Variants in TAFA2 observed in about 807,000 individuals in gnomAD.
The protein encoded by TAFA2 is TAFA chemokine like family member 2, also known as chemokine-like protein TAFA-2.
Under a neutral mutation model 18.8 loss-of-function variants are expected in TAFA2, and 7 were observed. The ratio of observed to expected loss-of-function variants is 0.37; its 90% CI spans 0.21 to 0.70. The LOEUF (loss-of-function observed/expected upper bound fraction) is 0.70, where lower values mean the gene tolerates loss of function less well. Ranked by LOEUF, TAFA2 falls within the 30% of genes least tolerant of loss-of-function variation. The pLI is 0.53. For synonymous variants in TAFA2, 60 were observed against 54.2 expected (o/e 1.11, Z -0.47); for missense variants, 122 against 158.1 (o/e 0.77, Z 1.23).
intron 2 of TAFA2, among the ~76,000 whole-genome samples, chr12:61,828,015 G>A (rs1240656542): frequency 6.6e-6 from 1 of 151,902 alleles, no homozygotes; most frequent in Non-Finnish European, 1.5e-5. Flanking sequence ...TCTATTAAAT[G>A]TGAGAATGTT....
upstream of TAFA2, chr12:62,258,962 CTCAAT>C (rs898905096): frequency 3.8e-5 from 7 of 184,542 alleles, no homozygotes; most frequent in South Asian, 6.8e-5. Context: ...TTTTAAAACT[CTCAAT>C]TCAAGGTTGG....
chr12:62,238,742 A>C (rs567774246), intron 1 of TAFA2, among the ~76,000 whole-genome samples: 1 of 152,348 alleles, frequency 6.6e-6, no homozygotes, highest in African/African-American at 2.4e-5. Flanking sequence ...CTAAGTACTT[A>C]CTAAATATTT....
At chr12:61,905,588 G>A (rs888832898) in intron 1 of TAFA2, among the ~76,000 whole-genome samples, 2 of 152,120 alleles carry the variant, frequency 1.3e-5, no homozygotes, top group Non-Finnish European at 2.9e-5. Context: ...TAATTAGCAT[G>A]ACCAGATAAT....
intron 1 of TAFA2, among the ~76,000 whole-genome samples, chr12:61,988,633 C>A (rs1879895810): frequency 6.6e-6 from 1 of 152,158 alleles, no homozygotes; most frequent in South Asian, 2.1e-4. Flanking sequence ...CTCAGCTTGA[C>A]TTCTGATCAA....
At chr12:62,232,859 A>G (rs1385284388) in intron 1 of TAFA2, among the ~76,000 whole-genome samples, 1 of 152,008 alleles carries the variant, frequency 6.6e-6, no homozygotes, top group African/African-American at 2.4e-5. Flanking sequence ...TGATACTAGG[A>G]AAGACTTAGC....
At position 62,059,114 on chromosome 12, in the gene TAFA2, T is replaced by A. The variant is rs1241825122; in HGVS notation, c.-2+132145A>T. 9.9e-5 allele frequency among the ~76,000 whole-genome samples: 9 copies of A among 90,756 alleles called. No homozygotes were observed. In the Admixed American group the frequency reaches 1.1e-3, roughly 11 times the overall value. 59.5% of individuals were successfully genotyped at this position (90,756 alleles called of 152,430 possible). On this transcript the variant is annotated intron_variant, in intron 1 of 4. Transcript: ENST00000416284. ...CAAGACTCCGTCTCAAAAAAAATAA[T>A]AATAATATATATATATGTGTGTATA...
intron 1 of TAFA2, among the ~76,000 whole-genome samples, chr12:61,936,758 A>G (rs764637360): frequency 6.6e-5 from 10 of 152,186 alleles, no homozygotes; most frequent in African/African-American, 2.4e-4. Flanking sequence ...AATTGGTACA[A>G]GACAAGGATG....
At chr12:62,175,598 C>T (rs75574252) in intron 1 of TAFA2, among the ~76,000 whole-genome samples, 2 of 152,140 alleles carry the variant, frequency 1.3e-5, no homozygotes, top group East Asian at 3.9e-4. Context: ...CTTCAATCAT[C>T]TGAAATACAA....
intron 1 of TAFA2, among the ~76,000 whole-genome samples, chr12:61,961,289 C>A (rs1878876371): frequency 6.6e-6 from 1 of 151,936 alleles, no homozygotes. Context: ...ATGGGGATCA[C>A]AATTTGGACA....
chr12:61,967,454 T>C (rs1328433388), intron 1 of TAFA2, among the ~76,000 whole-genome samples: 1 of 151,842 alleles, frequency 6.6e-6, no homozygotes, highest in African/African-American at 2.4e-5. Context: ...CCTAGTGAAA[T>C]GATTTGATTC....
intron 2 of TAFA2, among the ~76,000 whole-genome samples, chr12:61,859,868 T>C (rs565377702): frequency 1.3e-5 from 2 of 152,340 alleles, no homozygotes; most frequent in Non-Finnish European, 2.9e-5. Flanking sequence ...TGGTTGATAA[T>C]TGCACACTAA....
intron 1 of TAFA2, among the ~76,000 whole-genome samples, chr12:62,073,702 T>A (rs193231969): frequency 1.3e-5 from 2 of 152,190 alleles, no homozygotes; most frequent in Non-Finnish European, 2.9e-5. Context: ...CATGTTAGTA[T>A]CCCCTTATTT....
chr12:62,056,512 G>C (rs1882191695), intron 1 of TAFA2, among the ~76,000 whole-genome samples: 1 of 152,146 alleles, frequency 6.6e-6, no homozygotes, highest in African/African-American at 2.4e-5. Context: ...AATTGTTCTA[G>C]AACTTGCAGT....
At chr12:61,964,371 T>G (rs923665748) in intron 1 of TAFA2, among the ~76,000 whole-genome samples, 6 of 151,870 alleles carry the variant, frequency 4.0e-5, no homozygotes, top group African/African-American at 1.5e-4. Context: ...TAACCTAGAT[T>G]TTTATAAAAG....
intron 1 of TAFA2, among the ~76,000 whole-genome samples, chr12:62,060,479 A>C (rs759318246): frequency 3.3e-5 from 5 of 152,260 alleles, no homozygotes; most frequent in Non-Finnish European, 7.3e-5. Context: ...AGCACATACA[A>C]TAATGTACAA....
chr12:62,117,049 G>C (rs1349673608), intron 1 of TAFA2, among the ~76,000 whole-genome samples: 1 of 152,150 alleles, frequency 6.6e-6, no homozygotes, highest in African/African-American at 2.4e-5. Context: ...GCCAAAGAAA[G>C]AGGCCTCAAG....
intron 1 of TAFA2, among the ~76,000 whole-genome samples, chr12:62,005,290 T>C (rs903454801): frequency 6.6e-6 from 1 of 152,092 alleles, no homozygotes; most frequent in African/African-American, 2.4e-5. Context: ...TTATGCAATA[T>C]ACCATATATA....
intron 4 of TAFA2, among the ~76,000 whole-genome samples, chr12:61,714,417 A>G (rs1386183963): frequency 6.6e-6 from 1 of 152,226 alleles, no homozygotes; most frequent in Non-Finnish European, 1.5e-5. Flanking sequence ...CTACCCTGGT[A>G]GCAATCAACC....
intron 2 of TAFA2, among the ~76,000 whole-genome samples, chr12:61,855,752 A>T (rs1873857515): frequency 6.6e-6 from 1 of 152,134 alleles, no homozygotes; most frequent in South Asian, 2.1e-4. Context: ...AAATTACAGA[A>T]ATGGCTTATC....
Sources: gnomAD v4.1 joint callset for allele counts (sites outside exome capture counted in the v4.1 genomes callset) on GRCh38, gnomAD v4.1.1 for gene constraint, MANE v1.5 for transcripts, NCBI Gene and HGNC (gene_info 2026-07-23, HGNC 2026-07-21) for gene names.